The following ELMO1 variants were observed in gnomAD, a reference collection of about 807,000 sequenced individuals.
ELMO1 encodes the protein engulfment and cell motility 1.
A neutral mutation model predicts 98.9 loss-of-function variants in ELMO1; 26 were observed. The observed-to-expected ratio is 0.26, with a 90% CI of 0.19 to 0.36. The LOEUF (loss-of-function observed/expected upper bound fraction) is 0.36, where lower values mean the gene tolerates loss of function less well. Ranked by LOEUF, ELMO1 falls within the 10% of genes least tolerant of loss-of-function variation. The pLI, the probability that ELMO1 is intolerant of heterozygous loss-of-function variation, is 1.00. For synonymous variants in ELMO1, 346 were observed against 346.0 expected, an observed-to-expected ratio of 1.00 and a Z score of 0.00; for missense variants, 627 against 935.2, an observed-to-expected ratio of 0.67 and a Z score of 4.30.
chr7:37,376,374 T>C (rs1802346747), intron 1 of ELMO1, among the ~76,000 whole-genome samples: 1 of 152,198 alleles, frequency 6.6e-6, no homozygotes, highest in South Asian at 2.1e-4. Context: ...AACCAGCTAT[T>C]GTTCCCTAGC....
At chr7:36,863,684 G>A (rs1316968498) in intron 20 of ELMO1, among the ~76,000 whole-genome samples, 3 of 152,156 alleles carry the variant, frequency 2.0e-5, no homozygotes, top group Admixed American at 6.5e-5. Flanking sequence ...AGAAAAGCAC[G>A]AGACATGAAC....
intron 2 of ELMO1, among the ~76,000 whole-genome samples, chr7:37,339,223 C>G (rs1004058069): frequency 2.0e-5 from 3 of 152,186 alleles, no homozygotes; most frequent in Non-Finnish European, 4.4e-5. Context: ...AAGCCCTGCC[C>G]CTGGCCAGCA....
At chr7:36,917,663 G>T (rs1784807654) in intron 16 of ELMO1, among the ~76,000 whole-genome samples, 1 of 152,172 alleles carries the variant, frequency 6.6e-6, no homozygotes, top group African/African-American at 2.4e-5. Context: ...TGGGAACTCT[G>T]ATTTGTTTCT....
intron 16 of ELMO1, among the ~76,000 whole-genome samples, chr7:36,906,129 C>T (rs1269408561): frequency 6.6e-6 from 1 of 152,224 alleles, no homozygotes; most frequent in African/African-American, 2.4e-5. Flanking sequence ...GGCTGCTGAA[C>T]TCAGAGGAAA....
At chr7:37,151,849 CTCTT>C (rs1199507602) in intron 13 of ELMO1, among the ~76,000 whole-genome samples, 35 of 152,188 alleles carry the variant, frequency 2.3e-4, no homozygotes, top group Non-Finnish European at 1.5e-5. Context: ...ATTTTCCACT[CTCTT>C]TCTCTGTCAA....
At chr7:36,904,004 G>T (rs1783780409) in intron 16 of ELMO1, among the ~76,000 whole-genome samples, 1 of 152,256 alleles carries the variant, frequency 6.6e-6, no homozygotes, top group African/African-American at 2.4e-5. Flanking sequence ...CCCCTGGGCT[G>T]CCTCAGTGAG....
intron 16 of ELMO1, among the ~76,000 whole-genome samples, chr7:36,989,868 T>C (rs1215900799): frequency 2.0e-5 from 3 of 152,222 alleles, no homozygotes; most frequent in Non-Finnish European, 2.9e-5. Flanking sequence ...GTTGACACTA[T>C]GTGAAACGTC....
chr7:36,900,472 G>A (rs1476669037), intron 16 of ELMO1, among the ~76,000 whole-genome samples: 6 of 152,172 alleles, frequency 3.9e-5, no homozygotes, highest in Non-Finnish European at 8.8e-5. Flanking sequence ...GTCCTTAGCA[G>A]AATTATGAGT....
In ELMO1 at chr7:36,887,480, A is replaced by G. The variant is rs147918029; in HGVS notation, c.1714+80T>C. On this transcript the variant is annotated intron_variant, in intron 18 of 21. Coordinates refer to ENST00000310758, the MANE Select transcript of ELMO1 (RefSeq NM_014800.11). ...ATGCTGCATGGCCTACCCGTAAACC[A>G]ACACCATGCCCTTGTGATTCTCCAG... 1.3e-5 allele frequency: 18 copies of G among 1,367,884 alleles called. No homozygotes were observed. In the African/African-American group the frequency reaches 1.7e-4, roughly 13 times the overall value. The allele number at this position is 1,367,884 out of a possible 1,614,324, so 84.7% of individuals were successfully genotyped here. A position where few individuals can be genotyped will look rare whatever the true frequency, so the allele number is the denominator to read the frequency against.
chr7:37,086,437 G>A (rs1050047273), intron 15 of ELMO1, among the ~76,000 whole-genome samples: 7 of 151,170 alleles, frequency 4.6e-5, no homozygotes, highest in Non-Finnish European at 8.9e-5. Flanking sequence ...AACTATAGAT[G>A]AACCTGGGTG....
intron 16 of ELMO1, among the ~76,000 whole-genome samples, chr7:36,955,846 C>G (rs1788397993): frequency 6.6e-6 from 1 of 152,196 alleles, no homozygotes; most frequent in Admixed American, 6.5e-5. Flanking sequence ...CTTTCAAAGT[C>G]CAGTTCAGAT....
chr7:36,962,572 G>A (rs947688425), intron 16 of ELMO1, among the ~76,000 whole-genome samples: 3 of 151,680 alleles, frequency 2.0e-5, no homozygotes, highest in Non-Finnish European at 2.9e-5. Context: ...TGTAGAGTTT[G>A]GTGACTAATT....
chr7:37,023,694 G>T (rs556341809), intron 15 of ELMO1, among the ~76,000 whole-genome samples: 1 of 152,008 alleles, frequency 6.6e-6, no homozygotes, highest in African/African-American at 2.4e-5. Context: ...TGCAACCCCC[G>T]CATCCTGGAT....
At chr7:37,207,529 T>C (rs1792706089) in intron 13 of ELMO1, among the ~76,000 whole-genome samples, 1 of 152,054 alleles carries the variant, frequency 6.6e-6, no homozygotes, top group Non-Finnish European at 1.5e-5. Flanking sequence ...CCAGCCTGGG[T>C]GACAGAGCGA....
At chr7:37,103,063 G>A (rs540143385) in intron 14 of ELMO1, among the ~76,000 whole-genome samples, 73 of 152,240 alleles carry the variant, frequency 4.8e-4, no homozygotes, top group African/African-American at 1.7e-3. Context: ...ATAAAGGGTC[G>A]TAAAGATTAA....
chr7:36,872,389 C>T (rs1584282371), intron 19 of ELMO1, among the ~76,000 whole-genome samples: 1 of 152,294 alleles, frequency 6.6e-6, no homozygotes, highest in South Asian at 2.1e-4. Context: ...ATGGAGCAGC[C>T]CTTTGCCAAC....
At position 37,321,649 on chromosome 7, in the gene ELMO1, G is replaced by A. The variant is rs551888664; in HGVS notation, c.79-5689C>T. On this transcript the variant is annotated intron_variant, in intron 2 of 21. Coordinates refer to ENST00000310758, the MANE Select transcript of ELMO1 (RefSeq NM_014800.11). ...GGAGAATGGCGTGAACTCGGGAGGC[G>A]GAGCTTGCAGTGAGCCGAGATCGCG... 4.7e-3 allele frequency among the ~76,000 whole-genome samples: 682 copies of A among 143,728 alleles called. 8 individuals are homozygous for A. The highest frequency in any genetic ancestry group is 0.017 in the African/African-American group (663 of 37,892). 94.3% of individuals were successfully genotyped at this position (143,728 alleles called of 152,430 possible).
intron 15 of ELMO1, among the ~76,000 whole-genome samples, chr7:37,020,766 T>C (rs1373086773): frequency 6.6e-6 from 1 of 152,200 alleles, no homozygotes; most frequent in Non-Finnish European, 1.5e-5. Context: ...CAACTGCCTT[T>C]GGAAATGGTG....
chr7:36,896,909 T>G (rs1466599396), intron 16 of ELMO1, among the ~76,000 whole-genome samples: 1 of 152,194 alleles, frequency 6.6e-6, no homozygotes, highest in Non-Finnish European at 1.5e-5. Flanking sequence ...TATCTGGCTT[T>G]CTTGTGGGAG....
Sources: gnomAD v4.1 joint callset for allele counts (sites outside exome capture counted in the v4.1 genomes callset) on GRCh38, gnomAD v4.1.1 for gene constraint, MANE v1.5 for transcripts, NCBI Gene and HGNC (gene_info 2026-07-23, HGNC 2026-07-21) for gene names.